The following SIRPB2 variants were observed in gnomAD, a reference collection of about 807,000 sequenced individuals.
SIRPB2 encodes signal-regulatory protein beta-2.
A neutral mutation model predicts 27.1 loss-of-function variants in SIRPB2; 18 were observed. The ratio of observed to expected loss-of-function variants is 0.66; its 90% CI spans 0.46 to 0.98. The LOEUF (loss-of-function observed/expected upper bound fraction) is 0.98, where lower values mean the gene tolerates loss of function less well. SIRPB2 is among the 50% of genes least tolerant of loss of function. SIRPB2 has a pLI of 0.00. For synonymous variants in SIRPB2, 150 were observed against 164.6 expected, an observed-to-expected ratio of 0.91 and a Z score of 0.68; for missense variants, 420 against 417.4, an observed-to-expected ratio of 1.01 and a Z score of -0.06.
At position 1,475,965 on chromosome 20, in the gene SIRPB2, A is replaced by C. The variant is rs1207486322; in HGVS notation, c.*202T>G. 1 of 578,358 alleles carries C rather than the reference A, an allele frequency of 1.7e-6. No individual in the cohort carries two copies. The highest frequency in any genetic ancestry group is 3.2e-5 in the East Asian group (1 of 31,744). The allele number at this position is 578,358 out of a possible 1,614,324, so 35.8% of individuals were successfully genotyped here. A position where few individuals can be genotyped will look rare whatever the true frequency, so the allele number is the denominator to read the frequency against. On this transcript the variant is annotated 3_prime_UTR_variant, in exon 5 of 5. Coordinates refer to ENST00000359801, the MANE Select transcript of SIRPB2 (RefSeq NM_001122962.2). ...AAAGCAAGGAGGTCTTGAACAGGCC[A>C]AAAAGAGAAAGGGAGACATTTTAGA... is the stretch of plus-strand genomic sequence containing the variant.
Position 1,476,412 on chromosome 20 carries a change from G to A in SIRPB2, c.860-76C>T, listed in dbSNP as rs1237905289. Reference sequence around the variant, plus strand: ...AGCCCACGCCTCATTGCTGCCCATGGGCAAGGTCACATCCTGCTGCTGTAT... The same window carrying A: ...AGCCCACGCCTCATTGCTGCCCATGAGCAAGGTCACATCCTGCTGCTGTAT... On this transcript the variant is annotated intron_variant, in intron 4 of 4. Coordinates refer to ENST00000359801, the MANE Select transcript of SIRPB2 (RefSeq NM_001122962.2). The A allele has an allele frequency of 1.5e-5, 22 of 1,427,446 alleles. 1 individual carries two copies. In the South Asian group the frequency reaches 3.0e-4, roughly 19 times the overall value. The allele number at this position is 1,427,446 out of a possible 1,614,324, so 88.4% of individuals were successfully genotyped here.
intron 1 of SIRPB2, among the ~76,000 whole-genome samples, chr20:1,487,038 C>T (rs2090733894): frequency 6.6e-6 from 1 of 152,100 alleles, no homozygotes; most frequent in South Asian, 2.1e-4. Context: ...AGAAAACTGT[C>T]TTTATGTGCA....
chr20:1,471,351 G>A (rs574649345), downstream of SIRPB2, among the ~76,000 whole-genome samples: 1 of 152,332 alleles, frequency 6.6e-6, no homozygotes, highest in East Asian at 1.9e-4. Context: ...CTCTGTTTGG[G>A]ATAGCGAGAA....
chr20:1,490,251 G>A (rs943296208), intron 1 of SIRPB2, among the ~76,000 whole-genome samples: 7 of 152,150 alleles, frequency 4.6e-5, no homozygotes, highest in African/African-American at 1.7e-4. Context: ...TGAGTCATAC[G>A]GCCAATGAGT....
intron 4 of SIRPB2, 185 bp from the exon 5 acceptor site, chr20:1,476,521 G>T: frequency 2.6e-6 from 1 of 379,782 alleles, no homozygotes; most frequent in Non-Finnish European, 3.6e-6. Flanking sequence ...GAGAACGGTT[G>T]CCCAATATTC....
intron 1 of SIRPB2, among the ~76,000 whole-genome samples, chr20:1,488,189 A>C (rs536585970): frequency 6.6e-6 from 1 of 152,230 alleles, no homozygotes; most frequent in Admixed American, 6.5e-5. Flanking sequence ...TGCAAAGCAT[A>C]TATCTGGCAA....
rs1281981591 is a variant in SIRPB2 at position 1,474,883 on chromosome 20, T to C, written c.*1284A>G. On this transcript the variant is annotated 3_prime_UTR_variant, in exon 5 of 5. Transcript: ENST00000359801. The stretch of plus-strand genomic sequence containing the variant: ...GCCACCGTGCCTGGTCTTGAATTGG[T>C]TCTTACACAATGCAGAGAAGTCCAC... The C allele has an allele frequency of 6.6e-6, 1 of 152,202 alleles. No homozygotes were observed. The highest frequency in any genetic ancestry group is 1.5e-5 in the Non-Finnish European group (1 of 68,078). The allele number at this position is 152,202 out of a possible 1,614,324, so 9.4% of individuals were successfully genotyped here. A position where few individuals can be genotyped will look rare whatever the true frequency, so the allele number is the denominator to read the frequency against.
In SIRPB2 at chr20:1,480,074, G is replaced by T; in HGVS notation, c.86-9C>A. 6.3e-7 allele frequency: 1 copy of T among 1,595,024 alleles called. No individual in the cohort carries two copies. Among genetic ancestry groups the T allele is most frequent in the Non-Finnish European group, 8.5e-7 (1 of 1,171,666 alleles). ...GCTCTGCCCAGAGGCATCTACAAAA[G>T]AGGAAGAAAGACCTTGCACTGGGCA... On this transcript the variant is annotated splice_polypyrimidine_tract_variant and intron_variant, in intron 1 of 4. Transcript: ENST00000359801.
downstream of SIRPB2, among the ~76,000 whole-genome samples, chr20:1,472,273 G>A (rs575513701): frequency 2.3e-4 from 35 of 152,308 alleles, no homozygotes; most frequent in African/African-American, 8.4e-4. Context: ...GTGGTCAGCA[G>A]GTTTCCCAGA....
At position 1,482,164 on chromosome 20, in the gene SIRPB2, G is replaced by A. The variant is rs193269665; in HGVS notation, c.86-2099C>T. On this transcript the variant is annotated intron_variant, in intron 1 of 4. Coordinates refer to ENST00000359801, the MANE Select transcript of SIRPB2 (RefSeq NM_001122962.2). ...GAATAAAGACTGGGAGTGGAGAAAT[G>A]TGAGTTTACTACTGTAAGTTTCTTT... 1.7e-3 allele frequency among the ~76,000 whole-genome samples: 262 copies of A among 152,312 alleles called. 1 individual carries two copies. The highest frequency in any genetic ancestry group is 6.0e-3 in the African/African-American group (248 of 41,576).
At chr20:1,476,547 T>C (rs1175736622) in intron 4 of SIRPB2, 3 of 368,866 alleles carry the variant, frequency 8.1e-6, no homozygotes, top group Non-Finnish European at 1.1e-5. Context: ...GCATCTGTAA[T>C]CATCTCAGTC....
intron 1 of SIRPB2, among the ~76,000 whole-genome samples, chr20:1,483,900 T>C (rs114708069): frequency 0.011 from 1,627 of 152,300 alleles, 34 homozygotes; most frequent in African/African-American, 0.038. Flanking sequence ...TGTATCTTAC[T>C]GATCTTCCTT....
chr20:1,481,506 C>T (rs6135060), intron 1 of SIRPB2, among the ~76,000 whole-genome samples: 23,215 of 152,122 alleles, frequency 0.15, 3,046 homozygotes, highest in East Asian at 0.74. Flanking sequence ...TCCCATCAGC[C>T]TTTGTGAATA....
intron 1 of SIRPB2, among the ~76,000 whole-genome samples, chr20:1,488,328 C>A (rs1726058486): frequency 6.6e-6 from 1 of 152,100 alleles, no homozygotes; most frequent in Non-Finnish European, 1.5e-5. Context: ...AGCATCATTA[C>A]ATATTAGGGA....
intron 4 of SIRPB2, 51 bp downstream of exon 4, chr20:1,477,287 C>G: frequency 6.2e-7 from 1 of 1,614,148 alleles, no homozygotes; most frequent in African/African-American, 1.3e-5. Context: ...CCATTCATGG[C>G]CCCCTTGCCT....
chr20:1,481,397 G>C (rs1194281669), intron 1 of SIRPB2, among the ~76,000 whole-genome samples: 1 of 152,162 alleles, frequency 6.6e-6, no homozygotes, highest in Non-Finnish European at 1.5e-5. Context: ...GCATTCAGTA[G>C]ATATCGTGTC....
chr20:1,481,797 A>C (rs952063294), intron 1 of SIRPB2, among the ~76,000 whole-genome samples: 2 of 152,198 alleles, frequency 1.3e-5, no homozygotes, highest in Admixed American at 6.5e-5. Context: ...ATTCAGCGAC[A>C]TCCACTCTCA....
rs752690847 is a variant in SIRPB2, at chr20:1,491,369, T to C, written c.-10A>G. ...ACATCGTGGAGCACATGGCATCTTC[T>C]GTGGTCCCCAAGACTTGGGGCTCCT... On this transcript the variant is annotated 5_prime_UTR_variant, in exon 1 of 5. Coordinates refer to ENST00000359801, the MANE Select transcript of SIRPB2 (RefSeq NM_001122962.2). The C allele has an allele frequency of 2.6e-5, 42 of 1,604,718 alleles. No individual in the cohort carries two copies. The highest frequency in any genetic ancestry group is 2.5e-6 in the Non-Finnish European group (3 of 1,176,528).
rs1461851445 is a variant in SIRPB2 at position 1,491,293 on chromosome 20, G to T, written c.67C>A (p.Leu23Met). The change falls in exon 1 of 5, where the codon CTG (leucine) becomes ATG (methionine). Residue 23 changes from leucine (L) to methionine (M), a missense_variant. Coordinates refer to ENST00000359801, the MANE Select transcript of SIRPB2 (RefSeq NM_001122962.2). ...HLPPCFLLLA[L>M]VLVPSDASGQ... ...CACTTACCTGAGGGGACAAGGACCA[G>T]TGCCAGCAGCAGGAAGCAGGGAGGC... is the stretch of plus-strand genomic sequence containing the variant. 7 of 1,611,824 alleles carry T rather than the reference G, an allele frequency of 4.3e-6. No homozygotes were observed. The highest frequency in any genetic ancestry group is 5.9e-6 in the Non-Finnish European group (7 of 1,179,326).
Sources: allele counts gnomAD v4.1 joint callset (sites outside exome capture counted in the v4.1 genomes callset), GRCh38; gene constraint gnomAD v4.1.1; transcripts MANE v1.5; gene names NCBI Gene and HGNC (gene_info 2026-07-23, HGNC 2026-07-21).